The following POLR3C variants were observed in gnomAD, a reference collection of about 807,000 sequenced individuals.
POLR3C encodes RNA polymerase III subunit C, also known as DNA-directed RNA polymerase III subunit RPC3.
In POLR3C, 44 loss-of-function variants were observed where a neutral mutation model predicts 65.9. The ratio of observed to expected loss-of-function variants is 0.67; its 90% CI spans 0.52 to 0.86. The LOEUF is 0.86. POLR3C is among the 40% of genes least tolerant of loss of function. The pLI, the probability that POLR3C is intolerant of heterozygous loss-of-function variation, is 0.00. For synonymous variants in POLR3C, 263 were observed against 231.6 expected (o/e 1.14, Z -1.23); for missense variants, 576 against 653.2 (o/e 0.88, Z 1.29).
chr1:145,836,584 T>G lies in POLR3C; in HGVS notation c.957+10T>G. 1.3e-6 allele frequency: 2 copies of G among 1,555,330 alleles called. No homozygotes were observed. The highest frequency in any genetic ancestry group is 1.4e-5 in the African/African-American group (1 of 73,824). On this transcript the variant is annotated intron_variant, in intron 8 of 14. Coordinates refer to ENST00000334163, the MANE Select transcript of POLR3C (RefSeq NM_006468.8). Reference sequence around the variant, plus strand: ...GCTGGCAGATGATCCAGTAAGTCTGTTTTTGCTTTTTTTCTTTTTTCTTTA... The same window carrying G: ...GCTGGCAGATGATCCAGTAAGTCTGGTTTTGCTTTTTTTCTTTTTTCTTTA...
intron 7 of POLR3C, among the ~76,000 whole-genome samples, chr1:145,835,375 T>G (rs587659002): frequency 1.4e-5 from 2 of 147,438 alleles, no homozygotes; most frequent in Admixed American, 1.4e-4. Context: ...AACCCGGGAA[T>G]GGGAGGTTGC....
intron 14 of POLR3C, among the ~76,000 whole-genome samples, chr1:145,841,430 T>A (rs1281511897): frequency 6.6e-6 from 1 of 152,224 alleles, no homozygotes; most frequent in Admixed American, 6.5e-5. Context: ...TGGCTTAATT[T>A]TACTTGAGTC....
intron 2 of POLR3C, 72 bp downstream of exon 2, chr1:145,825,995 C>A: frequency 8.1e-7 from 1 of 1,241,554 alleles, no homozygotes; most frequent in Non-Finnish European, 1.2e-6. Context: ...GAATATTGTT[C>A]TTCTCACCCC....
intron 4 of POLR3C, among the ~76,000 whole-genome samples, chr1:145,827,262 T>A (rs1553726064): frequency 6.6e-6 from 1 of 152,204 alleles, no homozygotes; most frequent in African/African-American, 2.4e-5. Context: ...GGAACTGTCA[T>A]AGTATTATGA....
rs782809982 is a variant in POLR3C, at chr1:145,826,588, TA to T, written c.283del (p.Thr95ProfsTer11). ...MLRYPRYIYT[T>X]KTLYSDTGEL... ...TTAGATATCCCCGGTACATCTATAC[TA>T]CCAAAACTCTGTACAGTGACACTGG... On this transcript the variant is annotated frameshift_variant, in exon 3 of 15. Transcript: ENST00000334163. LOFTEE classifies it high-confidence loss of function. The T allele has an allele frequency of 5.6e-6, 9 of 1,614,054 alleles. No homozygotes were observed. In the East Asian group the frequency reaches 2.0e-4, roughly 36 times the overall value.
chr1:145,836,083 TA>T (rs1651798469), intron 7 of POLR3C, among the ~76,000 whole-genome samples: 1 of 151,988 alleles, frequency 6.6e-6, no homozygotes, highest in Non-Finnish European at 1.5e-5. Flanking sequence ...CTGCTGTGAA[TA>T]TTTTTGGACA....
chr1:145,842,198 A>G (rs1652344761), intron 14 of POLR3C, 141 bp from the exon 15 acceptor site: 1 of 607,448 alleles, frequency 1.6e-6, no homozygotes. Context: ...TAGCAAAATG[A>G]TCTACTGGTT....
Position 145,841,023 on chromosome 1 carries a change from C to G in POLR3C, c.1475C>G (p.Thr492Arg). 1 of 1,613,442 alleles carries G rather than the reference C, an allele frequency of 6.2e-7. No homozygotes were observed. The highest frequency in any genetic ancestry group is 8.5e-7 in the Non-Finnish European group (1 of 1,179,344). The change falls in exon 14 of 15, where the codon ACA (threonine) becomes AGA (arginine). Residue 492 changes from threonine (T) to arginine (R), a missense_variant. Thr to Arg is a moderately conservative substitution (Grantham distance 71, BLOSUM62 -1). Transcript: ENST00000334163. ...AQLQEIEEMI[T>R]APERQQLETL... ...TTACAAGAAATAGAGGAGATGATCA[C>G]AGCTCCTGAACGTCAGCAGCTAGAG...
At chr1:145,826,027 G>A (rs1290261836) in intron 2 of POLR3C, 104 bp downstream of exon 2, 1 of 898,034 alleles carries the variant, frequency 1.1e-6, no homozygotes, top group East Asian at 2.4e-5. Flanking sequence ...AATGAAGAAA[G>A]CCTGCCCTTG....
In POLR3C at chr1:145,843,255, A is replaced by G. The variant is rs1320109577; in HGVS notation, c.*835A>G. ...TCAATGCCTGGCATATGGTAAGCAC[A>G]CAGTAAATTAGCGCCTTCCTCTTCT... On this transcript the variant is annotated 3_prime_UTR_variant, in exon 15 of 15. Coordinates refer to ENST00000334163, the MANE Select transcript of POLR3C (RefSeq NM_006468.8). 5.3e-5 allele frequency among the ~76,000 whole-genome samples: 8 copies of G among 152,204 alleles called. No individual in the cohort carries two copies. The highest frequency in any genetic ancestry group is 1.7e-4 in the African/African-American group (7 of 41,456).
rs148355073 is a variant in POLR3C at position 145,844,386 on chromosome 1, C to G, written c.*1966C>G. 0.018 allele frequency among the ~76,000 whole-genome samples: 2,700 copies of G among 152,198 alleles called. 159 individuals carry two copies. The highest frequency in any genetic ancestry group is 0.12 in the Admixed American group (1,879 of 15,278). ...AGGTCATTATGTTAAGTAAAATAAA[C>G]CAAGCACAGAAACAAATATTGCATG... On this transcript the variant is annotated 3_prime_UTR_variant, in exon 15 of 15. Coordinates refer to ENST00000334163, the MANE Select transcript of POLR3C (RefSeq NM_006468.8).
intron 1 of POLR3C, among the ~76,000 whole-genome samples, chr1:145,824,748 T>C (rs1460254418): frequency 1.3e-5 from 2 of 152,220 alleles, no homozygotes; most frequent in Non-Finnish European, 2.9e-5. Context: ...GCAAACAACG[T>C]AACCTCATCT....
At chr1:145,841,854 G>C (rs782580772) in intron 14 of POLR3C, among the ~76,000 whole-genome samples, 1 of 151,778 alleles carries the variant, frequency 6.6e-6, no homozygotes, top group South Asian at 2.1e-4. Context: ...AGGTTGAATA[G>C]AAGTACAAAA....
intron 1 of POLR3C, chr1:145,824,645 G>A: frequency 1.6e-6 from 1 of 614,428 alleles, no homozygotes. Context: ...GTAGCAATTT[G>A]TAATAAGGAA....
chr1:145,829,548 A>C (rs1020545772), intron 5 of POLR3C, among the ~76,000 whole-genome samples: 1 of 152,206 alleles, frequency 6.6e-6, no homozygotes, highest in African/African-American at 2.4e-5. Context: ...AAACAAAACA[A>C]CACATCCACT....
rs1652506282 is a variant in POLR3C at position 145,844,385 on chromosome 1, A to G, written c.*1965A>G. Reference sequence around the variant, plus strand: ...GAGGTCATTATGTTAAGTAAAATAAACCAAGCACAGAAACAAATATTGCAT... The same window carrying G: ...GAGGTCATTATGTTAAGTAAAATAAGCCAAGCACAGAAACAAATATTGCAT... On this transcript the variant is annotated 3_prime_UTR_variant, in exon 15 of 15. Coordinates refer to ENST00000334163, the MANE Select transcript of POLR3C (RefSeq NM_006468.8). Among the ~76,000 whole-genome samples, 1 of 152,226 alleles carries G rather than the reference A, an allele frequency of 6.6e-6. No individual in the cohort carries two copies. Among genetic ancestry groups the G allele is most frequent in the South Asian group, 2.1e-4 (1 of 4,836 alleles).
rs149148466 is a variant in POLR3C, at chr1:145,842,410, A to C, written c.1595A>C (p.Lys532Thr). The change falls in exon 15 of 15, where the codon AAG (lysine) becomes ACG (threonine). Residue 532 changes from lysine (K) to threonine (T), a missense_variant. Physicochemically the swap from Lys to Thr is moderately conservative, Grantham distance 78 (BLOSUM62 -1). Transcript: ENST00000334163. ...LLESYIECTMKRQ is the reference protein window; with the variant it reads ...LLESYIECTMTRQ Reference sequence around the variant, plus strand: ...GAGTCTTACATTGAGTGCACCATGAAGAGACAGTGATCCAGAAGAAGCATC... The same window carrying C: ...GAGTCTTACATTGAGTGCACCATGACGAGACAGTGATCCAGAAGAAGCATC... 23 of 1,603,010 alleles carry C rather than the reference A, an allele frequency of 1.4e-5. No homozygotes were observed. The highest frequency in any genetic ancestry group is 3.3e-5 in the Admixed American group (2 of 59,980).
In POLR3C at chr1:145,842,627, G is replaced by A; in HGVS notation, c.*207G>A. 1.7e-6 allele frequency: 1 copy of A among 592,026 alleles called. No homozygotes were observed. Among genetic ancestry groups the A allele is most frequent in the Non-Finnish European group, 3.0e-6 (1 of 333,276 alleles). 36.7% of individuals were successfully genotyped at this position (592,026 alleles called of 1,614,324 possible). On this transcript the variant is annotated 3_prime_UTR_variant, in exon 15 of 15. Transcript: ENST00000334163. ...CTCCCCTCATCAAATCTTGGCAGTG[G>A]GAAGAACCTTAAATCAACAAGGTTA...
chr1:145,824,648 A>G (rs1650547072), intron 1 of POLR3C: 2 of 593,216 alleles, frequency 3.4e-6, no homozygotes, highest in Non-Finnish European at 5.6e-6. Flanking sequence ...GCAATTTGTA[A>G]TAAGGAAGTA....
Sources: gnomAD v4.1 joint callset for allele counts (sites outside exome capture counted in the v4.1 genomes callset) on GRCh38, gnomAD v4.1.1 for gene constraint, MANE v1.5 for transcripts, NCBI Gene and HGNC (gene_info 2026-07-23, HGNC 2026-07-21) for gene names.